Variants in CAVIN1 observed in about 807,000 individuals in gnomAD.
CAVIN1 encodes the protein caveolae associated protein 1.
Under a neutral mutation model 24.0 loss-of-function variants are expected in CAVIN1, and 16 were observed. That is an observed-to-expected ratio of 0.67 (90% CI 0.45 to 1.01). The LOEUF (loss-of-function observed/expected upper bound fraction) is 1.01, where lower values mean the gene tolerates loss of function less well. Among genes scored for constraint, CAVIN1 ranks in the 50% least tolerant of loss-of-function variants. The pLI is 0.00. For synonymous variants in CAVIN1, 256 were observed against 256.4 expected, an observed-to-expected ratio of 1.00 and a Z score of 0.02; for missense variants, 510 against 551.7, an observed-to-expected ratio of 0.92 and a Z score of 0.76.
intron 1 of CAVIN1, among the ~76,000 whole-genome samples, chr17:42,421,794 C>G (rs539022799): frequency 7.2e-4 from 109 of 152,194 alleles, no homozygotes; most frequent in African/African-American, 2.3e-3. Flanking sequence ...CCCCCGCCCC[C>G]GCAGGCATGC....
intron 1 of CAVIN1, 80 bp from the exon 2 acceptor site, chr17:42,405,468 C>G: frequency 6.8e-7 from 1 of 1,463,180 alleles, no homozygotes; most frequent in Non-Finnish European, 9.5e-7. Context: ...GGTGACGATC[C>G]TGGAGAGAGG....
In CAVIN1 at chr17:42,404,591, A is replaced by T. The variant is rs1321757975; in HGVS notation, c.*96T>A. The T allele has an allele frequency of 1.1e-6, 1 of 876,434 alleles. No homozygotes were observed. The highest frequency in any genetic ancestry group is 1.6e-6 in the Non-Finnish European group (1 of 622,046). 54.3% of individuals were successfully genotyped at this position (876,434 alleles called of 1,614,324 possible). ...GGTGTGGGGAGGGGGGCGTGTTTTC[A>T]ATTTAGAAAAATCTCAGCCAGCTCG... On this transcript the variant is annotated 3_prime_UTR_variant, in exon 2 of 2. Coordinates refer to ENST00000357037, the MANE Select transcript of CAVIN1 (RefSeq NM_012232.6).
chr17:42,419,395 C>A (rs566173302), intron 1 of CAVIN1, among the ~76,000 whole-genome samples: 3 of 152,012 alleles, frequency 2.0e-5, no homozygotes, highest in Non-Finnish European at 4.4e-5. Flanking sequence ...TCACTGCAAC[C>A]TCCGCCTCCC....
chr17:42,405,420 G>A (rs780549060), intron 1 of CAVIN1, 32 bp from the exon 2 acceptor site: 11 of 1,597,486 alleles, frequency 6.9e-6, no homozygotes, highest in Admixed American at 1.7e-5. Context: ...CATGAGAGGC[G>A]TCGGAGGAGG....
In CAVIN1 at chr17:42,422,702, C is replaced by G; in HGVS notation, c.396G>C (p.Ala132=). The change falls in exon 1 of 2, where the codon GCG becomes GCC. Residue 132 remains alanine, a synonymous_variant. Coordinates refer to ENST00000357037, the MANE Select transcript of CAVIN1 (RefSeq NM_012232.6). The part of the protein sequence containing the change: ...KTVRGSLERQ[A]GQIKKLEVNE... ...TGACCTCCAGCTTCTTGATCTGCCCCGCCTGGCGCTCCAGGCTGCCGCGCA... is the reference window on the plus strand; with the variant it reads ...TGACCTCCAGCTTCTTGATCTGCCCGGCCTGGCGCTCCAGGCTGCCGCGCA... 1.9e-6 allele frequency: 3 copies of G among 1,608,420 alleles called. No individual in the cohort carries two copies. Among genetic ancestry groups the G allele is most frequent in the Non-Finnish European group, 2.5e-6 (3 of 1,177,732 alleles).
intron 1 of CAVIN1, among the ~76,000 whole-genome samples, chr17:42,416,414 GA>G (rs1421683336): frequency 6.6e-6 from 1 of 151,108 alleles, no homozygotes; most frequent in Non-Finnish European, 1.5e-5. Context: ...AAAGAAGAAG[GA>G]AAGAAGGCCG....
intron 1 of CAVIN1, 48 bp downstream of exon 1, chr17:42,422,579 G>C: frequency 1.4e-6 from 2 of 1,456,862 alleles, no homozygotes; most frequent in Non-Finnish European, 1.9e-6. Flanking sequence ...GGCAGGGGAC[G>C]CGGGCCGGGC....
At chr17:42,408,770 CCT>C (rs1162798996) in intron 1 of CAVIN1, among the ~76,000 whole-genome samples, 1 of 148,778 alleles carries the variant, frequency 6.7e-6, no homozygotes. Context: ...GGATTACAAG[CCT>C]AAGCCACCGT....
At chr17:42,412,547 T>C (rs1289632471) in intron 1 of CAVIN1, among the ~76,000 whole-genome samples, 1 of 132,406 alleles carries the variant, frequency 7.6e-6, no homozygotes, top group East Asian at 2.3e-4. Context: ...TTGTGTACCA[T>C]CAAACCCGGC....
At chr17:42,405,430 G>A (rs1270464504) in intron 1 of CAVIN1, 42 bp from the exon 2 acceptor site, 2 of 1,587,928 alleles carry the variant, frequency 1.3e-6, no homozygotes, top group Non-Finnish European at 1.7e-6. Context: ...GTCGGAGGAG[G>A]CGGATGTGGG....
chr17:42,412,063 G>A lies in CAVIN1; in HGVS notation c.472-6675C>T, dbSNP rs1036067311. ...GAGACCCTAAACACTCCCACCGGCT[G>A]TCAGCTCCTCTGGGGTGGGCCGGGG... On this transcript the variant is annotated intron_variant, in intron 1 of 1. Coordinates refer to ENST00000357037, the MANE Select transcript of CAVIN1 (RefSeq NM_012232.6). 1.2e-5 allele frequency: 12 copies of A among 985,264 alleles called. No individual in the cohort carries two copies. The African/African-American group carries it at 2.1e-4, about 17-fold the overall frequency. 61.0% of individuals were successfully genotyped at this position (985,264 alleles called of 1,614,324 possible). A position where few individuals can be genotyped will look rare whatever the true frequency, so the allele number is the denominator to read the frequency against.
At chr17:42,418,340 T>C (rs1029691320) in intron 1 of CAVIN1, among the ~76,000 whole-genome samples, 5 of 151,002 alleles carry the variant, frequency 3.3e-5, no homozygotes, top group Non-Finnish European at 7.4e-5. Context: ...CAAGTGATTC[T>C]CCTGCCTCAG....
chr17:42,412,771 C>G (rs7217903), intron 1 of CAVIN1, among the ~76,000 whole-genome samples: 109,897 of 151,078 alleles, frequency 0.73, 42,652 homozygotes, highest in East Asian at 0.96. Context: ...GTGCATGCTA[C>G]CACGCCCAGC....
At chr17:42,417,993 A>T (rs1480596605) in intron 1 of CAVIN1, among the ~76,000 whole-genome samples, 1 of 152,046 alleles carries the variant, frequency 6.6e-6, no homozygotes, top group Non-Finnish European at 1.5e-5. Flanking sequence ...ACACATTTAG[A>T]TACACAAATA....
chr17:42,406,375 C>CATTTTT (rs59023533), intron 1 of CAVIN1, among the ~76,000 whole-genome samples: 3 of 140,952 alleles, frequency 2.1e-5, no homozygotes, highest in Non-Finnish European at 1.5e-5. Flanking sequence ...CAAGCTATTT[C>CATTTTT]TTTTTTTTTT....
chr17:42,411,207 A>AAAAAAAAAAAAAC (rs758609413), intron 1 of CAVIN1, among the ~76,000 whole-genome samples: 11 of 127,522 alleles, frequency 8.6e-5, no homozygotes, highest in African/African-American at 1.1e-4. Context: ...AAAAAAAAAA[A>AAAAAAAAAAAAAC]AACTAAAAGG....
At position 42,422,709 on chromosome 17, in the gene CAVIN1, C is replaced by T. The variant is rs770829509; in HGVS notation, c.389G>A (p.Arg130His). The T allele has an allele frequency of 8.1e-6, 13 of 1,608,904 alleles. No homozygotes were observed. The highest frequency in any genetic ancestry group is 1.0e-5 in the Non-Finnish European group (12 of 1,177,878). The stretch of plus-strand genomic sequence containing the variant: ...CAGCTTCTTGATCTGCCCCGCCTGG[C>T]GCTCCAGGCTGCCGCGCACGGTCTT... ...NVKTVRGSLE[R>H]QAGQIKKLEV... Residue 130 changes from arginine to histidine, a missense_variant, in exon 1 of 2, where the codon CGC (arginine) becomes CAC (histidine). By Grantham distance (29) the Arg-to-His change is conservative. Transcript: ENST00000357037.
intron 1 of CAVIN1, among the ~76,000 whole-genome samples, chr17:42,417,445 C>T (rs1022464943): frequency 3.6e-5 from 4 of 110,746 alleles, no homozygotes; most frequent in South Asian, 3.3e-4. Flanking sequence ...AGCAACAGAG[C>T]GAGAACTTGT....
At chr17:42,416,940 G>A (rs1433586248) in intron 1 of CAVIN1, among the ~76,000 whole-genome samples, 2 of 152,132 alleles carry the variant, frequency 1.3e-5, no homozygotes, top group Non-Finnish European at 2.9e-5. Flanking sequence ...TTCCAGCCCT[G>A]GTGCCCTACC....
Sources: allele counts gnomAD v4.1 joint callset (sites outside exome capture counted in the v4.1 genomes callset), GRCh38; gene constraint gnomAD v4.1.1; transcripts MANE v1.5; gene names NCBI Gene and HGNC (gene_info 2026-07-23, HGNC 2026-07-21).